Variants in MTHFD2L observed in about 807,000 individuals in gnomAD.
MTHFD2L encodes the protein bifunctional methylenetetrahydrofolate dehydrogenase/cyclohydrolase 2, mitochondrial.
In MTHFD2L, 29 loss-of-function variants were observed where a neutral mutation model predicts 34.9. The ratio of observed to expected loss-of-function variants is 0.83; its 90% CI spans 0.62 to 1.13. The LOEUF (loss-of-function observed/expected upper bound fraction) is 1.13. MTHFD2L is among the 50% of genes most tolerant of loss of function. MTHFD2L has a pLI of 0.00. For missense variants in MTHFD2L, 481 were observed against 446.5 expected (o/e 1.08, Z -0.70); for synonymous variants, 167 against 155.7 (o/e 1.07, Z -0.54).
chr4:74,225,833 T>C (rs1739065086), intron 6 of MTHFD2L, among the ~76,000 whole-genome samples: 1 of 152,112 alleles, frequency 6.6e-6, no homozygotes, highest in Non-Finnish European at 1.5e-5. Flanking sequence ...TGAAGAATTA[T>C]GTTCTGAAGT....
chr4:74,191,990 G>A lies in MTHFD2L; in HGVS notation c.452-7804G>A, dbSNP rs182344225. Among the ~76,000 whole-genome samples the A allele has an allele frequency of 1.8e-3, 279 of 152,212 alleles. 1 individual carries two copies. Among genetic ancestry groups the A allele is most frequent in the South Asian group, 7.9e-3 (38 of 4,816 alleles). On this transcript the variant is annotated intron_variant, in intron 3 of 7. Coordinates refer to ENST00000325278, the MANE Select transcript of MTHFD2L (RefSeq NM_001144978.3). ...TCAGTTTCTTCATCTATAAATTAGG[G>A]TTAATAGTAGCCATTTATTCAATAA...
At chr4:74,148,424 G>C (rs1460842020) in intron 1 of MTHFD2L, among the ~76,000 whole-genome samples, 1 of 149,924 alleles carries the variant, frequency 6.7e-6, no homozygotes, top group Non-Finnish European at 1.5e-5. Flanking sequence ...GTTTTGCTCT[G>C]TTGCCCAGGC....
intron 1 of MTHFD2L, among the ~76,000 whole-genome samples, chr4:74,145,983 A>G (rs1008926538): frequency 6.6e-6 from 1 of 152,138 alleles, no homozygotes; most frequent in African/African-American, 2.4e-5. Flanking sequence ...TTCATAAATT[A>G]CCCAGTCTCA....
chr4:74,190,980 A>T (rs369875321), intron 3 of MTHFD2L, among the ~76,000 whole-genome samples: 6 of 152,196 alleles, frequency 3.9e-5, no homozygotes, highest in African/African-American at 1.4e-4. Context: ...GGCTCACTGT[A>T]ACCTCTGCCT....
intron 7 of MTHFD2L, among the ~76,000 whole-genome samples, chr4:74,283,525 A>G (rs375983487): frequency 3.9e-5 from 6 of 152,094 alleles, no homozygotes; most frequent in South Asian, 2.1e-4. Context: ...CTGTTGCCCT[A>G]TAGTTTTGCC....
At chr4:74,255,545 G>A (rs1436478445) in intron 6 of MTHFD2L, among the ~76,000 whole-genome samples, 1 of 152,056 alleles carries the variant, frequency 6.6e-6, no homozygotes, top group Non-Finnish European at 1.5e-5. Context: ...TTTTACAAGG[G>A]TATATTGTAT....
intron 6 of MTHFD2L, among the ~76,000 whole-genome samples, chr4:74,227,078 A>G (rs1481590095): frequency 6.6e-6 from 1 of 152,114 alleles, no homozygotes; most frequent in Admixed American, 6.5e-5. Context: ...ACTAATGAAG[A>G]TGGCCTCACC....
chr4:74,114,706 T>A (rs1721629346), intron 2 of MTHFD2L: 2 of 152,126 alleles, frequency 1.3e-5, no homozygotes, highest in Admixed American at 1.3e-4. Flanking sequence ...CTATGAAAGC[T>A]CCAAACTCTC....
chr4:74,205,586 AT>A (rs950525819), intron 5 of MTHFD2L, among the ~76,000 whole-genome samples: 2 of 152,006 alleles, frequency 1.3e-5, no homozygotes, highest in African/African-American at 2.4e-5. Flanking sequence ...TTTCTTGAGT[AT>A]TTTTTTTAAT....
chr4:74,119,566 G>A (rs976466045), upstream of MTHFD2L, among the ~76,000 whole-genome samples: 105 of 152,192 alleles, frequency 6.9e-4, no homozygotes, highest in African/African-American at 2.4e-3. Flanking sequence ...GGCGGATCAC[G>A]AGGTCAGGAG....
chr4:74,199,093 C>G (rs1733969497), intron 3 of MTHFD2L, among the ~76,000 whole-genome samples: 1 of 152,082 alleles, frequency 6.6e-6, no homozygotes, highest in Non-Finnish European at 1.5e-5. Flanking sequence ...TTAAACTACT[C>G]TGCATAGAGT....
At chr4:74,281,172 G>GA (rs1431820869) in intron 6 of MTHFD2L, among the ~76,000 whole-genome samples, 2 of 152,110 alleles carry the variant, frequency 1.3e-5, no homozygotes, top group Non-Finnish European at 2.9e-5. Flanking sequence ...GTATCCCTGT[G>GA]ATGTCAGGTG....
intron 4 of MTHFD2L, among the ~76,000 whole-genome samples, chr4:74,200,165 A>G (rs569347531): frequency 6.6e-6 from 1 of 152,278 alleles, no homozygotes; most frequent in East Asian, 1.9e-4. Flanking sequence ...ACAAAAAATT[A>G]GCCAGGTGTG....
chr4:74,182,540 C>T (rs1465187537), intron 3 of MTHFD2L, among the ~76,000 whole-genome samples: 1 of 152,170 alleles, frequency 6.6e-6, no homozygotes, highest in South Asian at 2.1e-4. Context: ...GGGCTGAGTT[C>T]TTTCTCCCTT....
chr4:74,273,256 C>A (rs547695595), intron 6 of MTHFD2L, among the ~76,000 whole-genome samples: 105 of 151,996 alleles, frequency 6.9e-4, no homozygotes, highest in Non-Finnish European at 1.3e-3. Context: ...AGGGGCTTAA[C>A]TTTATAAAAT....
chr4:74,174,165 T>C (rs953996406), intron 1 of MTHFD2L, among the ~76,000 whole-genome samples: 7 of 152,148 alleles, frequency 4.6e-5, no homozygotes, highest in African/African-American at 1.7e-4. Flanking sequence ...ATACCACTTA[T>C]GAGGGCTCTA....
intron 3 of MTHFD2L, chr4:74,183,914 G>T (rs1730660326): frequency 6.6e-6 from 1 of 152,000 alleles, no homozygotes; most frequent in Admixed American, 6.6e-5. Context: ...TAAAATGTAT[G>T]GCAACAATAG....
At chr4:74,208,467 G>A (rs1181543367) in intron 5 of MTHFD2L, among the ~76,000 whole-genome samples, 5 of 152,148 alleles carry the variant, frequency 3.3e-5, no homozygotes, top group Non-Finnish European at 4.4e-5. Flanking sequence ...GGAGAGTGAA[G>A]TCCGAATCTT....
chr4:74,269,216 C>G (rs1341085382), intron 6 of MTHFD2L, among the ~76,000 whole-genome samples: 1 of 152,068 alleles, frequency 6.6e-6, no homozygotes, highest in African/African-American at 2.4e-5. Context: ...AGTAAGAAAC[C>G]CTTTCTTTTG....
Sources: allele counts gnomAD v4.1 joint callset (sites outside exome capture counted in the v4.1 genomes callset), GRCh38; gene constraint gnomAD v4.1.1; transcripts MANE v1.5; gene names NCBI Gene and HGNC (gene_info 2026-07-23, HGNC 2026-07-21).